Variants in INSL6 observed in about 807,000 individuals in gnomAD.
INSL6 encodes the protein insulin like 6.
In INSL6, 16 loss-of-function variants were observed where a neutral mutation model predicts 9.4. The ratio of observed to expected loss-of-function variants is 1.70; its 90% CI spans 1.15 to 2.59. INSL6 has a LOEUF of 2.59. INSL6 is among the 30% of genes most tolerant of loss of function. The pLI is 0.00. For missense variants in INSL6, 391 were observed against 257.3 expected (o/e 1.52, Z -3.56); for synonymous variants, 154 against 96.9 (o/e 1.59, Z -3.46).
chr9:5,055,004 G>T, the INSL6 span: 2 of 679,852 alleles, frequency 2.9e-6, no homozygotes, highest in Non-Finnish European at 2.4e-6. Context: ...AGAAGTGGAA[G>T]TTTTTAATAG....
chr9:5,000,709 G>A, the INSL6 span, among the ~76,000 whole-genome samples: 4 of 151,922 alleles, frequency 2.6e-5, no homozygotes, highest in African/African-American at 4.8e-5. Flanking sequence ...TAATTTCTCC[G>A]GTGTCTTAAA....
chr9:5,107,173 A>G, the INSL6 span, among the ~76,000 whole-genome samples: 20 of 152,146 alleles, frequency 1.3e-4, no homozygotes, highest in Admixed American at 1.2e-3. Flanking sequence ...TAGTATAAAG[A>G]GTACCATTGA....
chr9:5,160,129 T>C (rs1476357849), downstream of INSL6, among the ~76,000 whole-genome samples: 5 of 137,214 alleles, frequency 3.6e-5, no homozygotes, highest in African/African-American at 5.6e-5. Flanking sequence ...TGAGCTGAGA[T>C]AGCGCCATAG....
the INSL6 span, among the ~76,000 whole-genome samples, chr9:5,102,172 T>C: frequency 6.6e-6 from 1 of 152,004 alleles, no homozygotes; most frequent in Non-Finnish European, 1.5e-5. Context: ...CTAACTACAA[T>C]AAACAGTGTA....
At chr9:5,023,836 G>A in the INSL6 span, among the ~76,000 whole-genome samples, 1 of 152,118 alleles carries the variant, frequency 6.6e-6, no homozygotes, top group South Asian at 2.1e-4. Flanking sequence ...ATTTTTTGTT[G>A]TGTGTAGTCT....
At chr9:5,163,291 G>C (rs1420985005), downstream of INSL6, among the ~76,000 whole-genome samples, 2 of 152,180 alleles carry the variant, frequency 1.3e-5, no homozygotes, top group Non-Finnish European at 2.9e-5. Context: ...CAAACATTGA[G>C]ATTTATGTTG....
the INSL6 span, among the ~76,000 whole-genome samples, chr9:5,034,032 A>C: frequency 6.6e-6 from 1 of 152,212 alleles, no homozygotes; most frequent in Non-Finnish European, 1.5e-5. Context: ...CTCAAAATAA[A>C]GGGATGGAGG....
At chr9:5,059,580 A>G in the INSL6 span, among the ~76,000 whole-genome samples, 1 of 152,078 alleles carries the variant, frequency 6.6e-6, no homozygotes, top group Admixed American at 6.6e-5. Flanking sequence ...TATATATCCT[A>G]GAGATAGGAT....
the INSL6 span, among the ~76,000 whole-genome samples, chr9:5,004,111 A>G: frequency 2.0e-5 from 3 of 152,198 alleles, no homozygotes; most frequent in Non-Finnish European, 4.4e-5. Context: ...TAACATATGT[A>G]TCACCTCACA....
downstream of INSL6, among the ~76,000 whole-genome samples, chr9:5,122,601 G>A (rs141534664): frequency 1.4e-3 from 209 of 152,040 alleles, no homozygotes; most frequent in Non-Finnish European, 2.0e-3. Context: ...CCAGGTTGAC[G>A]ATTTGCTAGG....
the INSL6 span, among the ~76,000 whole-genome samples, chr9:5,062,084 ACC>A: frequency 6.6e-6 from 1 of 152,098 alleles, no homozygotes; most frequent in African/African-American, 2.4e-5. Context: ...ATTACAGTTG[ACC>A]CTTGGACATC....
intron 3 of INSL6, among the ~76,000 whole-genome samples, chr9:5,125,231 A>G (rs921062417): frequency 6.6e-6 from 1 of 151,134 alleles, no homozygotes; most frequent in Non-Finnish European, 1.5e-5. Context: ...TAAAACTTTT[A>G]TAACTTTTAT....
At chr9:5,035,179 C>A in the INSL6 span, among the ~76,000 whole-genome samples, 1 of 152,130 alleles carries the variant, frequency 6.6e-6, no homozygotes, top group Non-Finnish European at 1.5e-5. Context: ...CAAGACTAAA[C>A]CAGAAAGAAG....
chr9:5,173,394 T>C (rs2130914057), intron 1 of INSL6, among the ~76,000 whole-genome samples: 1 of 152,208 alleles, frequency 6.6e-6, no homozygotes, highest in Non-Finnish European at 1.5e-5. Flanking sequence ...ATATAGAAAA[T>C]GTGGCACATA....
chr9:5,048,369 C>A, the INSL6 span, among the ~76,000 whole-genome samples: 1 of 152,124 alleles, frequency 6.6e-6, no homozygotes, highest in Non-Finnish European at 1.5e-5. Context: ...TCTCGAACTC[C>A]TGACCTTGTC....
At chr9:4,999,588 A>G in the INSL6 span, among the ~76,000 whole-genome samples, 6 of 152,322 alleles carry the variant, frequency 3.9e-5, no homozygotes, top group Admixed American at 3.3e-4. Context: ...AGGTCCCACA[A>G]TAGGCTGTCT....
chr9:4,996,896 G>A, the INSL6 span, among the ~76,000 whole-genome samples: 1 of 148,566 alleles, frequency 6.7e-6, no homozygotes, highest in Non-Finnish European at 1.5e-5. Flanking sequence ...CATGGTGGGA[G>A]TTCTCTCCTT....
chr9:5,007,755 T>A, the INSL6 span, among the ~76,000 whole-genome samples: 4 of 151,902 alleles, frequency 2.6e-5, no homozygotes, highest in South Asian at 8.3e-4. Flanking sequence ...AGTCTCACTC[T>A]GTCACCCAGG....
chr9:5,015,023 G>A, the INSL6 span, among the ~76,000 whole-genome samples: 3 of 151,908 alleles, frequency 2.0e-5, no homozygotes, highest in Non-Finnish European at 2.9e-5. Flanking sequence ...TTAGAAAAAC[G>A]GTATTTTACA....
Sources: allele counts gnomAD v4.1 joint callset (sites outside exome capture counted in the v4.1 genomes callset), GRCh38; gene constraint gnomAD v4.1.1; transcripts MANE v1.5; gene names NCBI Gene and HGNC (gene_info 2026-07-23, HGNC 2026-07-21).